Variants in PAK5 observed in about 807,000 individuals in gnomAD.
PAK5 encodes the protein p21 (RAC1) activated kinase 5.
A neutral mutation model predicts 65.9 loss-of-function variants in PAK5; 16 were observed. The observed-to-expected ratio is 0.24, with a 90% CI of 0.16 to 0.37. The LOEUF is 0.37. PAK5 is among the 10% of genes least tolerant of loss of function. The pLI is 1.00. For synonymous variants in PAK5, 371 were observed against 354.9 expected, an observed-to-expected ratio of 1.05 and a Z score of -0.51; for missense variants, 785 against 903.9, an observed-to-expected ratio of 0.87 and a Z score of 1.69.
chr20:9,603,004 G>A (rs1272931534), intron 3 of PAK5, among the ~76,000 whole-genome samples: 1 of 152,224 alleles, frequency 6.6e-6, no homozygotes, highest in Non-Finnish European at 1.5e-5. Context: ...TGATGTGAAA[G>A]CCAAGTTGAT....
intron 2 of PAK5, among the ~76,000 whole-genome samples, chr20:9,651,641 T>A (rs2047204391): frequency 6.6e-6 from 1 of 152,180 alleles, no homozygotes; most frequent in East Asian, 1.9e-4. Flanking sequence ...GTTGTGTATA[T>A]TTCATAATAA....
intron 1 of PAK5, among the ~76,000 whole-genome samples, chr20:9,836,766 C>G (rs1441116194): frequency 6.6e-6 from 1 of 152,142 alleles, no homozygotes; most frequent in Non-Finnish European, 1.5e-5. Context: ...TATCCATTTC[C>G]CTCTTACTCA....
intron 1 of PAK5, among the ~76,000 whole-genome samples, chr20:9,756,553 CA>C (rs541355936): frequency 6.8e-4 from 104 of 152,258 alleles, no homozygotes; most frequent in Non-Finnish European, 1.3e-3. Flanking sequence ...TTGTAAAATA[CA>C]CACCAAATCT....
chr20:9,795,005 A>G lies in PAK5; in HGVS notation c.-162+43757T>C, dbSNP rs542024690. Among the ~76,000 whole-genome samples the G allele has an allele frequency of 6.6e-5, 10 of 152,050 alleles. No individual in the cohort carries two copies. The East Asian group carries it at 1.9e-3, about 30-fold the overall frequency. Reference sequence around the variant, plus strand: ...ACACACTGCTTACAACTCAGCTTCCACCACCCGGAGAGTTTTGCCCTTCTG... The same window carrying G: ...ACACACTGCTTACAACTCAGCTTCCGCCACCCGGAGAGTTTTGCCCTTCTG... On this transcript the variant is annotated intron_variant, in intron 1 of 9. Coordinates refer to ENST00000353224, the MANE Select transcript of PAK5 (RefSeq NM_177990.4).
intron 3 of PAK5, among the ~76,000 whole-genome samples, chr20:9,592,462 T>C (rs1053013079): frequency 6.6e-6 from 1 of 152,234 alleles, no homozygotes; most frequent in South Asian, 2.1e-4. Context: ...TTCTGGGTGA[T>C]GAAAATGTTG....
Position 9,580,237 on chromosome 20 carries a change from C to T in PAK5, c.898G>A (p.Gly300Arg), listed in dbSNP as rs776471547. ...GGATGGGTTTTAAATGCACTTGCTC[C>T]AAATGGCATCATCGGTTCCTGGAGT... is the stretch of plus-strand genomic sequence containing the variant. ...SGLQEPMMPF[G>R]ASAFKTHPQG... The change falls in exon 4 of 10, where the codon GGA (glycine) becomes AGA (arginine). Residue 300 changes from glycine to arginine, a missense_variant. Physicochemically the swap from Gly to Arg is moderately radical, Grantham distance 125 (BLOSUM62 -2). Around this residue, in one of 4 missense-constraint regions of PAK5, gnomAD observed 422 missense variants for 413.3 expected, o/e 1.02. Transcript: ENST00000353224. The T allele has an allele frequency of 1.2e-6, 2 of 1,613,994 alleles. No individual in the cohort carries two copies. Among genetic ancestry groups the T allele is most frequent in the East Asian group, 2.2e-5 (1 of 44,884 alleles).
At chr20:9,639,728 G>T (rs986233600) in intron 3 of PAK5, among the ~76,000 whole-genome samples, 2 of 152,238 alleles carry the variant, frequency 1.3e-5, no homozygotes, top group African/African-American at 4.8e-5. Flanking sequence ...ATACTAGTGA[G>T]TAAGAGAAGC....
intron 1 of PAK5, among the ~76,000 whole-genome samples, chr20:9,736,896 T>G (rs2123571336): frequency 6.6e-6 from 1 of 152,052 alleles, no homozygotes; most frequent in South Asian, 2.1e-4. Context: ...AATAAGAAAG[T>G]CTCAGAAGAA....
At chr20:9,557,587 G>T in intron 7 of PAK5, 21 bp downstream of exon 7, 1 of 1,598,410 alleles carries the variant, frequency 6.3e-7, no homozygotes, top group East Asian at 2.3e-5. Context: ...ACTACGAACG[G>T]GCCAAACATG....
intron 3 of PAK5, among the ~76,000 whole-genome samples, chr20:9,621,678 G>C (rs2123188843): frequency 6.6e-6 from 1 of 152,322 alleles, no homozygotes; most frequent in Non-Finnish European, 1.5e-5. Context: ...TCCTGCAGTT[G>C]ACTTAGGTCT....
chr20:9,663,176 CA>C (rs200173893), intron 2 of PAK5, among the ~76,000 whole-genome samples: 1,744 of 152,234 alleles, frequency 0.011, 101 homozygotes, highest in Admixed American at 0.093. Flanking sequence ...AAAACCATTG[CA>C]ATGGTAAAAT....
rs886476159 is a variant in PAK5 at position 9,773,515 on chromosome 20, C to A, written c.-161-62080G>T. On this transcript the variant is annotated intron_variant, in intron 1 of 9. Coordinates refer to ENST00000353224, the MANE Select transcript of PAK5 (RefSeq NM_177990.4). ...TCACTTCTATTTTTCTGGAAGTCAC[C>A]CTTCTTATAACTAGTTCATAAGTGA... is the stretch of plus-strand genomic sequence containing the variant. Among the ~76,000 whole-genome samples the A allele has an allele frequency of 5.3e-5, 8 of 152,098 alleles. No individual in the cohort carries two copies. The South Asian group carries it at 1.7e-3, about 32-fold the overall frequency.
At chr20:9,566,493 A>AG in intron 4 of PAK5, 109 bp from the exon 5 acceptor site, 1 of 1,089,156 alleles carries the variant, frequency 9.2e-7, no homozygotes, top group South Asian at 1.4e-5. Context: ...CACCAGTGGG[A>AG]GATGAGAGGA....
intron 1 of PAK5, among the ~76,000 whole-genome samples, chr20:9,761,238 C>T (rs2048696008): frequency 6.6e-6 from 1 of 152,070 alleles, no homozygotes; most frequent in South Asian, 2.1e-4. Flanking sequence ...ATGTGCAATC[C>T]AAACACACAG....
Position 9,838,342 on chromosome 20 carries a change from G to A in PAK5, c.-162+420C>T, listed in dbSNP as rs1410907889. ...TCTGGCAATATGTCCAACACTTCTC[G>A]GGAAAAGCAGCGCCGTGGCACCCCC... On this transcript the variant is annotated intron_variant, in intron 1 of 9. Coordinates refer to ENST00000353224, the MANE Select transcript of PAK5 (RefSeq NM_177990.4). The surrounding 1 kb of genome is among the most constrained non-coding windows in gnomAD (Gnocchi z 4.5). 1.3e-5 allele frequency among the ~76,000 whole-genome samples: 2 copies of A among 152,140 alleles called. No individual in the cohort carries two copies. The highest frequency in any genetic ancestry group is 2.1e-4 in the South Asian group (1 of 4,832).
At chr20:9,623,599 GA>G (rs1328498716) in intron 3 of PAK5, among the ~76,000 whole-genome samples, 9 of 152,188 alleles carry the variant, frequency 5.9e-5, no homozygotes, top group African/African-American at 2.2e-4. Context: ...AATGCTTACA[GA>G]TACCCAAATA....
intron 1 of PAK5, among the ~76,000 whole-genome samples, chr20:9,808,023 ACT>A (rs1198425665): frequency 6.6e-6 from 1 of 152,140 alleles, no homozygotes; most frequent in Non-Finnish European, 1.5e-5. Context: ...GGTATTATTT[ACT>A]CTGACAGTAA....
At chr20:9,835,183 A>G (rs1480234015) in intron 1 of PAK5, among the ~76,000 whole-genome samples, 1 of 152,352 alleles carries the variant, frequency 6.6e-6, no homozygotes, top group South Asian at 2.1e-4. Flanking sequence ...TCATTCACCA[A>G]AAGTTCATTG....
chr20:9,662,082 G>A (rs1229986220), intron 2 of PAK5, among the ~76,000 whole-genome samples: 1 of 152,018 alleles, frequency 6.6e-6, no homozygotes. Context: ...AATAATTTTG[G>A]CACTGGAATT....
Sources: allele counts gnomAD v4.1 joint callset (sites outside exome capture counted in the v4.1 genomes callset), GRCh38; gene constraint gnomAD v4.1.1; regional missense constraint gnomAD v4.1.1; non-coding constraint Gnocchi (gnomAD v3.1); transcripts MANE v1.5; gene names NCBI Gene and HGNC (gene_info 2026-07-23, HGNC 2026-07-21).